Variants in SLC35D4 observed in about 807,000 individuals in gnomAD.
SLC35D4 encodes solute carrier family 35 member D4.
chr18:23,435,489 A>AAAAC, the SLC35D4 span, among the ~76,000 whole-genome samples: 45 of 152,340 alleles, frequency 3.0e-4, no homozygotes, highest in East Asian at 9.6e-4. Flanking sequence ...GGTGCTACAA[A>AAAAC]AAACAAACAA....
At chr18:23,245,972 A>G in the SLC35D4 span, among the ~76,000 whole-genome samples, 2 of 152,334 alleles carry the variant, frequency 1.3e-5, no homozygotes, top group East Asian at 3.9e-4. Flanking sequence ...GGTGGCATTG[A>G]AAACAGTGGT....
At chr18:23,285,839 A>G in the SLC35D4 span, among the ~76,000 whole-genome samples, 1 of 130,358 alleles carries the variant, frequency 7.7e-6, no homozygotes, top group Non-Finnish European at 1.6e-5. Flanking sequence ...CCACCCGCCC[A>G]GCAATTTCCT....
the SLC35D4 span, among the ~76,000 whole-genome samples, chr18:23,407,766 A>G: frequency 1.3e-5 from 2 of 152,176 alleles, no homozygotes; most frequent in African/African-American, 4.8e-5. Flanking sequence ...ACACCTTCAC[A>G]CTGCTGTGAG....
the SLC35D4 span, among the ~76,000 whole-genome samples, chr18:23,282,953 G>A: frequency 1.3e-5 from 2 of 150,856 alleles, no homozygotes; most frequent in Admixed American, 1.3e-4. Flanking sequence ...CCAACTGACT[G>A]AGGGGACCCC....
chr18:23,416,327 T>A, the SLC35D4 span, among the ~76,000 whole-genome samples: 11 of 152,192 alleles, frequency 7.2e-5, 1 homozygote, highest in Admixed American at 7.2e-4. Flanking sequence ...GGACCCACTC[T>A]CCAGCCCCAC....
chr18:23,406,091 T>C, the SLC35D4 span, among the ~76,000 whole-genome samples: 1 of 152,220 alleles, frequency 6.6e-6, no homozygotes, highest in Admixed American at 6.5e-5. Context: ...AGGATTATTT[T>C]GTAGGGAGAT....
chr18:23,356,462 C>T, the SLC35D4 span: 1 of 878,850 alleles, frequency 1.1e-6, no homozygotes, highest in East Asian at 2.6e-5. The surrounding 1 kb of genome is among the most constrained non-coding windows in gnomAD (Gnocchi z 4.1). Flanking sequence ...ATAATGACTG[C>T]TTCCTTGCCT....
chr18:23,390,680 C>A, the SLC35D4 span, among the ~76,000 whole-genome samples: 2 of 152,166 alleles, frequency 1.3e-5, no homozygotes, highest in Non-Finnish European at 2.9e-5. Flanking sequence ...AAAGTCTTGA[C>A]CCTGCTCACA....
chr18:23,309,644 T>C, the SLC35D4 span: 3 of 1,594,432 alleles, frequency 1.9e-6, no homozygotes, highest in Admixed American at 1.7e-5. Context: ...ACTCAGTAAC[T>C]AATTGGCACT....
At chr18:23,297,757 C>T in the SLC35D4 span, 1 of 446,120 alleles carries the variant, frequency 2.2e-6, no homozygotes, top group Non-Finnish European at 4.2e-6. Flanking sequence ...GAAGATGTAA[C>T]AGACCGCTCC....
the SLC35D4 span, among the ~76,000 whole-genome samples, chr18:23,336,777 C>G: frequency 1.4e-4 from 22 of 152,270 alleles, no homozygotes; most frequent in East Asian, 4.2e-3. Context: ...TCTGTGATTA[C>G]CGTTCACCAT....
chr18:23,334,795 G>A, the SLC35D4 span, among the ~76,000 whole-genome samples: 2 of 152,046 alleles, frequency 1.3e-5, no homozygotes, highest in African/African-American at 2.4e-5. Flanking sequence ...GAGGTCGGAC[G>A]GGTTCGAGAC....
the SLC35D4 span, among the ~76,000 whole-genome samples, chr18:23,324,231 G>A: frequency 6.6e-6 from 1 of 152,122 alleles, no homozygotes; most frequent in Admixed American, 6.5e-5. Flanking sequence ...ACCCCAGGAG[G>A]GAGCTCTCAC....
chr18:23,388,271 T>C, the SLC35D4 span, among the ~76,000 whole-genome samples: 4 of 152,200 alleles, frequency 2.6e-5, no homozygotes, highest in Non-Finnish European at 5.9e-5. Flanking sequence ...GTAGAATTAA[T>C]TTTAAAGTAC....
the SLC35D4 span, among the ~76,000 whole-genome samples, chr18:23,308,735 A>G: frequency 0.025 from 3,758 of 152,246 alleles, 51 homozygotes; most frequent in Middle Eastern, 0.054. Context: ...TTAGTGAGGC[A>G]TGCTGTCTTT....
chr18:23,238,631 C>G, the SLC35D4 span, among the ~76,000 whole-genome samples: 1 of 152,176 alleles, frequency 6.6e-6, no homozygotes, highest in Non-Finnish European at 1.5e-5. Flanking sequence ...AATGATTGCC[C>G]TGATGTCAAG....
chr18:23,313,272 T>C, the SLC35D4 span, among the ~76,000 whole-genome samples: 1 of 151,848 alleles, frequency 6.6e-6, no homozygotes, highest in Admixed American at 6.6e-5. Flanking sequence ...CCTCATGTGC[T>C]TGAAAGCTTA....
At chr18:23,377,321 T>C in the SLC35D4 span, among the ~76,000 whole-genome samples, 1 of 152,204 alleles carries the variant, frequency 6.6e-6, no homozygotes, top group Non-Finnish European at 1.5e-5. Flanking sequence ...CTACAAACAT[T>C]ACTTTTAAAT....
chr18:23,244,100 C>G, the SLC35D4 span, among the ~76,000 whole-genome samples: 27,913 of 152,164 alleles, frequency 0.18, 3,269 homozygotes, highest in Non-Finnish European at 0.25. Flanking sequence ...TTGGCTCATT[C>G]TCTACTGCCA....
Sources: allele counts gnomAD v4.1 joint callset (sites outside exome capture counted in the v4.1 genomes callset), GRCh38; gene constraint gnomAD v4.1.1; non-coding constraint Gnocchi (gnomAD v3.1); transcripts MANE v1.5; gene names NCBI Gene and HGNC (gene_info 2026-07-23, HGNC 2026-07-21).